The following TMEM182 variants were observed in gnomAD, a reference collection of about 807,000 sequenced individuals.
The protein encoded by TMEM182 is transmembrane protein 182.
Under a neutral mutation model 26.8 loss-of-function variants are expected in TMEM182, and 20 were observed. The ratio of observed to expected loss-of-function variants is 0.75; its 90% CI spans 0.53 to 1.09. The LOEUF (loss-of-function observed/expected upper bound fraction) is 1.09. Among genes scored for constraint, TMEM182 ranks in the 50% least tolerant of loss-of-function variants. The pLI, the probability that TMEM182 is intolerant of heterozygous loss-of-function variation, is 0.00. For synonymous variants in TMEM182, 109 were observed against 102.2 expected (o/e 1.07, Z -0.40); for missense variants, 277 against 275.5 (o/e 1.01, Z -0.04).
At position 102,798,000 on chromosome 2, in the gene TMEM182, G is replaced by T. The variant is rs766733102; in HGVS notation, c.469G>T (p.Gly157Cys). Reference sequence around the variant, plus strand: ...TGGGGGAGGCTCATATATTGCTGCAGGTACGTACGGTGCAATGGGTATGAC... The same window carrying T: ...TGGGGGAGGCTCATATATTGCTGCATGTACGTACGGTGCAATGGGTATGAC... Reference protein sequence around the residue: ...KAGGGSYIAAGILFSLVVMLY... With the variant: ...KAGGGSYIAACILFSLVVMLY... The change falls in exon 4 of 5, where the codon GGC becomes TGC. Residue 157 changes from glycine to cysteine, a missense_variant and splice_region_variant. Transcript: ENST00000412401. The T allele has an allele frequency of 1.2e-6, 2 of 1,612,114 alleles. No individual in the cohort carries two copies. The highest frequency in any genetic ancestry group is 2.7e-5 in the African/African-American group (2 of 74,664).
Position 102,800,019 on chromosome 2 carries a change from TA to T in TMEM182, c.469+2030del, listed in dbSNP as rs112383210. The stretch of plus-strand genomic sequence containing the variant: ...CCTGAGCCCCAACAGTTTAAAGAGC[TA>T]AAAAAAAAAATCTCACTCTGAGAAG... On this transcript the variant is annotated intron_variant, in intron 4 of 4. Coordinates refer to ENST00000412401, the MANE Select transcript of TMEM182 (RefSeq NM_144632.5). Among the ~76,000 whole-genome samples, 1,199 of 147,378 alleles carry T rather than the reference TA, an allele frequency of 8.1e-3. 24 individuals carry two copies. Among genetic ancestry groups the T allele is most frequent in the Admixed American group, 0.033 (499 of 14,896 alleles).
chr2:102,761,028 C>T (rs2540301), upstream of TMEM182, among the ~76,000 whole-genome samples: 2 of 151,904 alleles, frequency 1.3e-5, no homozygotes, highest in Non-Finnish European at 2.9e-5. Context: ...AAAAAGAAGG[C>T]GTGAAGAAAG....
At chr2:102,768,227 G>T (rs1480642515) in intron 3 of TMEM182, among the ~76,000 whole-genome samples, 1 of 152,070 alleles carries the variant, frequency 6.6e-6, no homozygotes, top group Non-Finnish European at 1.5e-5. Flanking sequence ...TGGGAGTCTT[G>T]TATGTTTGAC....
At position 102,794,081 on chromosome 2, in the gene TMEM182, G is replaced by T. The variant is rs552036147; in HGVS notation, c.332-3782G>T. ...CAAGACTCTGTCTCAAAGAGAAAAA[G>T]AAAAAAAGAAATGCCTTTTATTGGT... is the stretch of plus-strand genomic sequence containing the variant. On this transcript the variant is annotated intron_variant, in intron 3 of 4. Transcript: ENST00000412401. Among the ~76,000 whole-genome samples, 79 of 151,968 alleles carry T rather than the reference G, an allele frequency of 5.2e-4. No individual in the cohort carries two copies. The Middle Eastern group carries it at 0.01, about 20-fold the overall frequency.
intron 3 of TMEM182, among the ~76,000 whole-genome samples, chr2:102,829,844 C>T (rs766401726): frequency 3.0e-4 from 45 of 152,176 alleles, no homozygotes; most frequent in Non-Finnish European, 4.0e-4. Context: ...TGCTTGACCA[C>T]TCTCCTCCCC....
chr2:102,828,026 G>A (rs957732823), intron 3 of TMEM182, among the ~76,000 whole-genome samples: 1 of 152,166 alleles, frequency 6.6e-6, no homozygotes, highest in African/African-American at 2.4e-5. Context: ...AGGAGGCAAA[G>A]GTTGCAGTGA....
chr2:102,772,321 G>A (rs756666395), intron 3 of TMEM182, among the ~76,000 whole-genome samples: 2 of 152,266 alleles, frequency 1.3e-5, no homozygotes, highest in African/African-American at 2.4e-5. Context: ...TGCCCTCGTG[G>A]GGCTTTCATT....
rs368028024 is a variant in TMEM182 at position 102,815,016 on chromosome 2, A to G, written c.*48A>G. 22 of 1,599,910 alleles carry G rather than the reference A, an allele frequency of 1.4e-5. No individual in the cohort carries two copies. In the African/African-American group the frequency reaches 2.7e-4, roughly 20 times the overall value. On this transcript the variant is annotated 3_prime_UTR_variant, in exon 5 of 5. Transcript: ENST00000412401. ...TTCTTGAGAGATTTTAAAACAAGGA[A>G]TACTTTTTTTCCATTTTGTTTCATT...
At position 102,816,337 on chromosome 2, in the gene TMEM182, C is replaced by T; in HGVS notation, c.*1369C>T. 1.0e-6 allele frequency: 1 copy of T among 985,200 alleles called. No individual in the cohort carries two copies. Among genetic ancestry groups the T allele is most frequent in the Non-Finnish European group, 1.2e-6 (1 of 829,900 alleles). The allele number at this position is 985,200 out of a possible 1,614,324, so 61.0% of individuals were successfully genotyped here. A position where few individuals can be genotyped will look rare whatever the true frequency, so the allele number is the denominator to read the frequency against. ...AAAAAGTCACCACCCAGAAGATGCT[C>T]TGGGATAGAGGAACTGCTCCTTTTC... On this transcript the variant is annotated 3_prime_UTR_variant, in exon 5 of 5. Transcript: ENST00000412401.
chr2:102,794,807 T>C (rs2104722214), intron 3 of TMEM182, among the ~76,000 whole-genome samples: 1 of 152,288 alleles, frequency 6.6e-6, no homozygotes, highest in South Asian at 2.1e-4. Flanking sequence ...TGGAGTTTGC[T>C]GAGTATCCTG....
intron 3 of TMEM182, among the ~76,000 whole-genome samples, chr2:102,784,031 C>G (rs537280644): frequency 6.6e-6 from 1 of 152,050 alleles, no homozygotes; most frequent in Admixed American, 6.5e-5. Flanking sequence ...GATTCTGAAC[C>G]GGCCAAGTAT....
intron 3 of TMEM182, among the ~76,000 whole-genome samples, chr2:102,776,310 G>T (rs974856633): frequency 5.3e-5 from 8 of 152,022 alleles, no homozygotes; most frequent in Non-Finnish European, 1.0e-4. Flanking sequence ...AAAATCCTCG[G>T]TGTACTGTTT....
At chr2:102,781,003 C>A (rs1320666266) in intron 3 of TMEM182, among the ~76,000 whole-genome samples, 3 of 152,154 alleles carry the variant, frequency 2.0e-5, no homozygotes, top group Non-Finnish European at 4.4e-5. Context: ...GGAAACTCAC[C>A]AGACCCAGTG....
At chr2:102,767,071 T>G (rs1680482688) in intron 3 of TMEM182, among the ~76,000 whole-genome samples, 1 of 152,190 alleles carries the variant, frequency 6.6e-6, no homozygotes, top group Admixed American at 6.5e-5. Context: ...ATCGATAATC[T>G]ACTAAACTAC....
In TMEM182 at chr2:102,817,015, T is replaced by C; in HGVS notation, c.*2047T>C. 1 of 985,808 alleles carries C rather than the reference T, an allele frequency of 1.0e-6. No homozygotes were observed. The highest frequency in any genetic ancestry group is 1.2e-6 in the Non-Finnish European group (1 of 829,894). The allele number at this position is 985,808 out of a possible 1,614,324, so 61.1% of individuals were successfully genotyped here. ...TGTGTATGACACTTTTACACAGATT[T>C]GCACTTTGGAACTATTTTATAGTTG... is the stretch of plus-strand genomic sequence containing the variant. On this transcript the variant is annotated 3_prime_UTR_variant, in exon 5 of 5. Transcript: ENST00000412401.
At chr2:102,780,049 ATTTTTT>A (rs779455881) in intron 3 of TMEM182, among the ~76,000 whole-genome samples, 2 of 140,198 alleles carry the variant, frequency 1.4e-5, no homozygotes, top group African/African-American at 5.3e-5. Context: ...GCCATTGAAG[ATTTTTT>A]TTTTTTTTTT....
intron 3 of TMEM182, among the ~76,000 whole-genome samples, chr2:102,796,260 G>A (rs955496520): frequency 1.1e-4 from 17 of 152,178 alleles, no homozygotes; most frequent in African/African-American, 3.9e-4. Context: ...TCTCTGTTAA[G>A]ACTTGACTTT....
chr2:102,829,234 G>T (rs898241167), intron 3 of TMEM182, among the ~76,000 whole-genome samples: 1 of 152,130 alleles, frequency 6.6e-6, no homozygotes, highest in African/African-American at 2.4e-5. Context: ...GAAGGCTTAG[G>T]GGACAGTCAT....
intron 1 of TMEM182, among the ~76,000 whole-genome samples, chr2:102,752,840 A>T (rs1679915039): frequency 6.6e-6 from 1 of 152,178 alleles, no homozygotes; most frequent in South Asian, 2.1e-4. Context: ...CTAAATTAAG[A>T]CTCAAGTCAT....
Sources: allele counts gnomAD v4.1 joint callset (sites outside exome capture counted in the v4.1 genomes callset), GRCh38; gene constraint gnomAD v4.1.1; transcripts MANE v1.5; gene names NCBI Gene and HGNC (gene_info 2026-07-23, HGNC 2026-07-21).